The following KLHL5 variants were observed in gnomAD, a reference collection of about 807,000 sequenced individuals.
The protein encoded by KLHL5 is kelch like family member 5, also known as kelch-like protein 5.
In KLHL5, 48 loss-of-function variants were observed where a neutral mutation model predicts 77.7. The observed-to-expected ratio is 0.62, with a 90% CI of 0.49 to 0.79. KLHL5 has a LOEUF of 0.79. Ranked by LOEUF, KLHL5 falls within the 30% of genes least tolerant of loss-of-function variation. The pLI, the probability that KLHL5 is intolerant of heterozygous loss-of-function variation, is 0.00. For missense variants in KLHL5, 723 were observed against 859.7 expected (o/e 0.84, Z 1.99); for synonymous variants, 260 against 297.0 (o/e 0.88, Z 1.28).
At position 39,081,846 on chromosome 4, in the gene KLHL5, A is replaced by C; in HGVS notation, c.704-117A>C. ...CTTTTTGGGATGTCTTAAACCATGT[A>C]GGTCTGTAATGCATGTAATGAGCTC... On this transcript the variant is annotated intron_variant, in intron 3 of 10. Transcript: ENST00000504108. The surrounding 1 kb of genome is among the most constrained non-coding windows in gnomAD (Gnocchi z 4.3). The C allele has an allele frequency of 1.6e-6, 1 of 636,984 alleles. No homozygotes were observed. The highest frequency in any genetic ancestry group is 2.5e-6 in the Non-Finnish European group (1 of 404,814). The allele number at this position is 636,984 out of a possible 1,614,324, so 39.5% of individuals were successfully genotyped here.
intron 5 of KLHL5, chr4:39,093,195 C>G: frequency 6.6e-6 from 3 of 452,384 alleles, no homozygotes; most frequent in Non-Finnish European, 1.3e-5. Flanking sequence ...AGCACTGATA[C>G]GAGGAGCTAC....
At chr4:39,117,872 C>T (rs753125875) in intron 10 of KLHL5, among the ~76,000 whole-genome samples, 14 of 151,904 alleles carry the variant, frequency 9.2e-5, no homozygotes, top group Admixed American at 2.6e-4. Context: ...GCCAGGAGTT[C>T]GAGACCAGCA....
In KLHL5 at chr4:39,121,239, G is replaced by T; in HGVS notation, c.*173G>T. ...AGGGAGGAAGCAGTGGATGGACCAG[G>T]ATTAATTCCTTTCATTTCTTAGTAA... On this transcript the variant is annotated 3_prime_UTR_variant, in exon 11 of 11. Coordinates refer to ENST00000504108, the MANE Select transcript of KLHL5 (RefSeq NM_015990.5). 1 of 600,514 alleles carries T rather than the reference G, an allele frequency of 1.7e-6. No individual in the cohort carries two copies. The highest frequency in any genetic ancestry group is 2.9e-6 in the Non-Finnish European group (1 of 339,472). 37.2% of individuals were successfully genotyped at this position (600,514 alleles called of 1,614,324 possible).
intron 7 of KLHL5, among the ~76,000 whole-genome samples, chr4:39,106,360 T>C (rs1722037978): frequency 6.6e-6 from 1 of 152,250 alleles, no homozygotes. Context: ...TCTATCCTTT[T>C]ACTCTGCACC....
upstream of KLHL5, among the ~76,000 whole-genome samples, chr4:39,059,756 G>A (rs918316097): frequency 6.6e-6 from 1 of 151,944 alleles, no homozygotes; most frequent in Non-Finnish European, 1.5e-5. Context: ...AAAATTAGCT[G>A]GACATGGTGG....
In KLHL5 at chr4:39,045,290, C is replaced by A. The variant is rs564928439; in HGVS notation, c.-95+194C>A. On this transcript the variant is annotated intron_variant, in intron 1 of 11. Transcript: ENST00000261425. ...GGGCCGGGCGGGGGCCTCCGCACAC[C>A]GCGCCCGGGGCTCGAACCCCGGCCC... Among the ~76,000 whole-genome samples the A allele has an allele frequency of 3.5e-3, 521 of 150,506 alleles. 2 individuals are homozygous for A. Among genetic ancestry groups the A allele is most frequent in the Non-Finnish European group, 6.1e-3 (412 of 67,422 alleles).
At chr4:39,139,598 C>A in the KLHL5 span, among the ~76,000 whole-genome samples, 1 of 151,762 alleles carries the variant, frequency 6.6e-6, no homozygotes, top group Non-Finnish European at 1.5e-5. Flanking sequence ...AGCACTCTGG[C>A]GGGGGAGGTT....
chr4:39,074,063 T>C (rs540813634), intron 1 of KLHL5, among the ~76,000 whole-genome samples: 50 of 152,292 alleles, frequency 3.3e-4, no homozygotes, highest in African/African-American at 1.2e-3. Flanking sequence ...TAAGCATATA[T>C]AATTACATAC....
At position 39,123,038 on chromosome 4, in the gene KLHL5, T is replaced by C. The variant is rs563017882; in HGVS notation, c.*1972T>C. Among the ~76,000 whole-genome samples the C allele has an allele frequency of 6.6e-6, 1 of 152,264 alleles. No homozygotes were observed. The highest frequency in any genetic ancestry group is 2.4e-5 in the African/African-American group (1 of 41,548). On this transcript the variant is annotated 3_prime_UTR_variant, in exon 11 of 11. Transcript: ENST00000504108. ...GCAATATAATATATTTCAAGTTTTA[T>C]ACATATTAGATGAATTGCATGGTAT...
intron 8 of KLHL5, among the ~76,000 whole-genome samples, chr4:39,110,288 A>G (rs1331589924): frequency 6.6e-6 from 1 of 152,226 alleles, no homozygotes; most frequent in Non-Finnish European, 1.5e-5. Context: ...TGATTGTCTA[A>G]TATGAGGAAA....
At chr4:39,133,659 C>A in the KLHL5 span, among the ~76,000 whole-genome samples, 3 of 151,750 alleles carry the variant, frequency 2.0e-5, no homozygotes, top group African/African-American at 7.3e-5. Flanking sequence ...AAATGAGCAC[C>A]TTTCTGAAGG....
chr4:39,100,451 G>A (rs1398659022), intron 6 of KLHL5, among the ~76,000 whole-genome samples: 1 of 152,170 alleles, frequency 6.6e-6, no homozygotes, highest in Non-Finnish European at 1.5e-5. Context: ...AGAGGGAATA[G>A]CATTCATTAT....
At chr4:39,074,423 A>G (rs902283874) in intron 1 of KLHL5, among the ~76,000 whole-genome samples, 14 of 152,314 alleles carry the variant, frequency 9.2e-5, no homozygotes, top group Middle Eastern at 3.4e-3. Context: ...TAAGTCTTCA[A>G]TCCTCTCCCT....
At chr4:39,097,079 A>G (rs996696416) in intron 6 of KLHL5, among the ~76,000 whole-genome samples, 1 of 152,254 alleles carries the variant, frequency 6.6e-6, no homozygotes, top group Non-Finnish European at 1.5e-5. Context: ...CAAAAGACAC[A>G]GGAAACAGCT....
intron 9 of KLHL5, among the ~76,000 whole-genome samples, chr4:39,114,477 G>C (rs1359075773): frequency 6.6e-6 from 1 of 152,190 alleles, no homozygotes; most frequent in African/African-American, 2.4e-5. Context: ...GTTGAGTTTT[G>C]GTGGGGATGA....
chr4:39,058,674 ATTCT>A (rs1717167487), upstream of KLHL5, among the ~76,000 whole-genome samples: 1 of 152,108 alleles, frequency 6.6e-6, no homozygotes, highest in Non-Finnish European at 1.5e-5. Flanking sequence ...TTAAAATTAG[ATTCT>A]TTATTTTATA....
intron 1 of KLHL5, among the ~76,000 whole-genome samples, chr4:39,074,301 A>T (rs1038394843): frequency 1.3e-5 from 2 of 152,216 alleles, no homozygotes; most frequent in African/African-American, 4.8e-5. Context: ...AGGATTTAGG[A>T]AGGAATATTT....
At chr4:39,080,964 A>T in intron 2 of KLHL5, 139 bp from the exon 3 acceptor site, 1 of 764,118 alleles carries the variant, frequency 1.3e-6, no homozygotes, top group Non-Finnish European at 2.0e-6. Context: ...ACTAGAGCAT[A>T]AAGCAATTTG....
chr4:39,080,761 A>T (rs572334883), intron 2 of KLHL5, among the ~76,000 whole-genome samples: 8 of 152,246 alleles, frequency 5.3e-5, no homozygotes, highest in South Asian at 4.1e-4. Context: ...AAATTTTTTT[A>T]AAAATGGCTT....
Sources: gnomAD v4.1 joint callset for allele counts (sites outside exome capture counted in the v4.1 genomes callset) on GRCh38, gnomAD v4.1.1 for gene constraint, Gnocchi (gnomAD v3.1) non-coding constraint, MANE v1.5 for transcripts, NCBI Gene and HGNC (gene_info 2026-07-23, HGNC 2026-07-21) for gene names.